Variants in PDE4A observed in about 807,000 individuals in gnomAD.
PDE4A encodes the protein 3',5'-cyclic-AMP phosphodiesterase 4A.
Under a neutral mutation model 73.9 loss-of-function variants are expected in PDE4A, and 21 were observed. The ratio of observed to expected loss-of-function variants is 0.28; its 90% CI spans 0.20 to 0.41. The LOEUF is 0.41. PDE4A is among the 10% of genes least tolerant of loss of function. The pLI is 1.00. For missense variants in PDE4A, 958 were observed against 1,211.4 expected (o/e 0.79, Z 3.10); for synonymous variants, 463 against 505.4 (o/e 0.92, Z 1.13).
chr19:10,461,740 G>A, intron 12 of PDE4A, 60 bp downstream of exon 12: 2 of 1,600,068 alleles, frequency 1.2e-6, no homozygotes, highest in East Asian at 4.5e-5. Context: ...AGGGCTTTGG[G>A]GAGGAGTGGG....
At chr19:10,446,156 C>T in intron 1 of PDE4A, 62 bp from the exon 2 acceptor site, 3 of 1,518,008 alleles carry the variant, frequency 2.0e-6, no homozygotes, top group Non-Finnish European at 2.7e-6. Flanking sequence ...CCTCCTCATT[C>T]CTCTTGACCT....
upstream of PDE4A, chr19:10,417,781 C>G: frequency 6.4e-7 from 1 of 1,562,868 alleles, no homozygotes. Context: ...CCCTCGGACC[C>G]TGGGGTCCCT....
In PDE4A at chr19:10,458,151, G is replaced by T. The variant is rs1300783673; in HGVS notation, c.1101+49G>T. The T allele has an allele frequency of 6.4e-7, 1 of 1,568,782 alleles. No homozygotes were observed. ...AGGGCTGGAGGGGGTGGTCTCCTGG[G>T]ACCCTGAGAAGGACTGGGCATTGGG... On this transcript the variant is annotated intron_variant, in intron 8 of 14. Transcript: ENST00000380702. The surrounding 1 kb of genome is among the most constrained non-coding windows in gnomAD (Gnocchi z 4.6).
chr19:10,467,707 C>T lies in PDE4A; in HGVS notation c.*86C>T, dbSNP rs1006642734. On this transcript the variant is annotated 3_prime_UTR_variant, in exon 15 of 15. Coordinates refer to ENST00000380702, the MANE Select transcript of PDE4A (RefSeq NM_001111307.2). ...CACCTCCTCCTCTGCCTCAAAGACT[C>T]TTGTCCTCTTGTCCCTCCTGAGAAA... is the stretch of plus-strand genomic sequence containing the variant. The T allele has an allele frequency of 2.0e-5, 19 of 952,956 alleles. No homozygotes were observed. Among genetic ancestry groups the T allele is most frequent in the Non-Finnish European group, 2.9e-5 (19 of 649,706 alleles). 59.0% of individuals were successfully genotyped at this position (952,956 alleles called of 1,614,324 possible).
Position 10,468,798 on chromosome 19 carries a change from T to G in PDE4A, c.*1177T>G, listed in dbSNP as rs7256672. The G allele has an allele frequency of 0.43, 65,332 of 152,790 alleles. 14,765 individuals carry two copies. The highest frequency in any genetic ancestry group is 0.58 in the African/African-American group (23,926 of 41,330). 9.5% of individuals were successfully genotyped at this position (152,790 alleles called of 1,614,324 possible). On this transcript the variant is annotated 3_prime_UTR_variant, in exon 15 of 15. Coordinates refer to ENST00000380702, the MANE Select transcript of PDE4A (RefSeq NM_001111307.2). ...ATTTCTCCTCCATCCGTACCTTGCC[T>G]AGCCTCTCCCTCTCCCCCAGCTAGT...
chr19:10,436,777 C>G (rs923692679), intron 1 of PDE4A, among the ~76,000 whole-genome samples: 13 of 152,024 alleles, frequency 8.6e-5, no homozygotes, highest in African/African-American at 2.7e-4. Flanking sequence ...CAGTGGCTCA[C>G]GCCTGTAATC....
Position 10,453,154 on chromosome 19 carries a change from C to A in PDE4A, c.784-1675C>A. The A allele has an allele frequency of 1.4e-6, 2 of 1,445,630 alleles. No individual in the cohort carries two copies. Among genetic ancestry groups the A allele is most frequent in the Non-Finnish European group, 1.8e-6 (2 of 1,097,474 alleles). The allele number at this position is 1,445,630 out of a possible 1,614,324, so 89.6% of individuals were successfully genotyped here. ...CCGGCCCAGGCCCCTCCGCGGCTCC[C>A]CCTTCCACTACCCACCTGCCCGGCA... On this transcript the variant is annotated intron_variant, in intron 6 of 14. Transcript: ENST00000380702. The surrounding 1 kb of genome is among the most constrained non-coding windows in gnomAD (Gnocchi z 4.6).
chr19:10,451,755 T>A (rs1032097543), intron 6 of PDE4A, among the ~76,000 whole-genome samples: 6 of 152,076 alleles, frequency 3.9e-5, no homozygotes, highest in Non-Finnish European at 7.4e-5. Flanking sequence ...ACTGCACAAC[T>A]CCAGGGGACA....
At chr19:10,443,812 G>T (rs898562256) in intron 1 of PDE4A, among the ~76,000 whole-genome samples, 3 of 151,764 alleles carry the variant, frequency 2.0e-5, no homozygotes, top group African/African-American at 7.3e-5. Flanking sequence ...TTCGAAACCA[G>T]CCTGGCCAAC....
At position 10,432,185 on chromosome 19, in the gene PDE4A, G is replaced by C. The variant is rs915028827; in HGVS notation, c.320+11101G>C. On this transcript the variant is annotated intron_variant, in intron 1 of 14. Coordinates refer to ENST00000380702, the MANE Select transcript of PDE4A (RefSeq NM_001111307.2). ...CCTAGGAGGGAGGAGACGGGGGGGG[G>C]GGGGGGAAGTGTGCGTCCGACTCCG... 4.8e-3 allele frequency among the ~76,000 whole-genome samples: 686 copies of C among 142,538 alleles called. 88 individuals carry two copies. Among genetic ancestry groups the C allele is most frequent in the East Asian group, 0.031 (136 of 4,402 alleles). 93.5% of individuals were successfully genotyped at this position (142,538 alleles called of 152,430 possible). A position where few individuals can be genotyped will look rare whatever the true frequency, so the allele number is the denominator to read the frequency against.
In PDE4A at chr19:10,447,892, T is replaced by A. The variant is rs1053661815; in HGVS notation, c.513-1025T>A. Among the ~76,000 whole-genome samples, 24 of 152,110 alleles carry A rather than the reference T, an allele frequency of 1.6e-4. 1 individual carries two copies. ...TCCAGGCCTTTCCACCAGCCATTGCTGTACACACCTCAACCCACTTGGTCC... is the reference window on the plus strand; with the variant it reads ...TCCAGGCCTTTCCACCAGCCATTGCAGTACACACCTCAACCCACTTGGTCC... On this transcript the variant is annotated intron_variant, in intron 2 of 14. Coordinates refer to ENST00000380702, the MANE Select transcript of PDE4A (RefSeq NM_001111307.2).
intron 1 of PDE4A, among the ~76,000 whole-genome samples, chr19:10,438,922 G>A (rs191854110): frequency 2.2e-4 from 33 of 152,304 alleles, no homozygotes; most frequent in Admixed American, 1.5e-3. Context: ...TGTAGCCTGT[G>A]TCAGAATTCC....
At chr19:10,433,888 C>CG (rs955137406) in intron 1 of PDE4A, among the ~76,000 whole-genome samples, 1 of 151,812 alleles carries the variant, frequency 6.6e-6, no homozygotes, top group East Asian at 1.9e-4. Context: ...CTGTGCGCCC[C>CG]GGGGGAAGAC....
At chr19:10,420,275 CCTT>C, upstream of PDE4A, 2 of 428,842 alleles carry the variant, frequency 4.7e-6, no homozygotes, top group Non-Finnish European at 6.2e-6. The surrounding 1 kb of genome is among the most constrained non-coding windows in gnomAD (Gnocchi z 6.0). Context: ...CCGTTTAACT[CCTT>C]CGTGCCTGTG....
At chr19:10,428,301 T>G (rs2042742970) in intron 1 of PDE4A, among the ~76,000 whole-genome samples, 1 of 151,590 alleles carries the variant, frequency 6.6e-6, no homozygotes, top group Non-Finnish European at 1.5e-5. Flanking sequence ...GAGACTGCAG[T>G]GAGCTATGAT....
chr19:10,437,039 AAAAT>A (rs138679319), intron 1 of PDE4A, among the ~76,000 whole-genome samples: 1 of 152,100 alleles, frequency 6.6e-6, no homozygotes, highest in Non-Finnish European at 1.5e-5. Context: ...CTCCATCTCA[AAAAT>A]AAATAAATAA....
rs900209516 is a variant in PDE4A at position 10,426,493 on chromosome 19, A to G, written c.320+5409A>G. 8.5e-5 allele frequency among the ~76,000 whole-genome samples: 13 copies of G among 152,180 alleles called. 1 individual carries two copies. Among genetic ancestry groups the G allele is most frequent in the Admixed American group, 6.5e-4 (10 of 15,276 alleles). ...AATTCTTCGCCTTTCAGTGTGGCCC[A>G]GGGATGCCAAAAGATTGCACACCCT... On this transcript the variant is annotated intron_variant, in intron 1 of 14. Transcript: ENST00000380702.
Position 10,466,992 on chromosome 19 carries a change from T to G in PDE4A, c.2032T>G (p.Trp678Gly). ...ILDTLEDNRD[W>G]YYSAIRQSPS... ...GGACACTTTGGAGGACAACCGGGAC[T>G]GGTACTACAGCGCCATCCGGCAGAG... Residue 678 changes from tryptophan to glycine, a missense_variant, in exon 15 of 15, where the codon TGG (tryptophan) becomes GGG (glycine). Trp to Gly is a radical substitution (Grantham distance 184). Around this residue, in one of 3 missense-constraint regions of PDE4A, gnomAD observed 570 missense variants for 827.7 expected, o/e 0.69. Coordinates refer to ENST00000380702, the MANE Select transcript of PDE4A (RefSeq NM_001111307.2). The G allele has an allele frequency of 6.2e-7, 1 of 1,614,100 alleles. No homozygotes were observed. Among genetic ancestry groups the G allele is most frequent in the Non-Finnish European group, 8.5e-7 (1 of 1,180,018 alleles).
chr19:10,416,986 A>C, upstream of PDE4A: 1 of 1,540,302 alleles, frequency 6.5e-7, no homozygotes, highest in Non-Finnish European at 8.7e-7. Flanking sequence ...GGGACCGGGG[A>C]CGAGGTGCGA....
Sources: gnomAD v4.1 joint callset for allele counts (sites outside exome capture counted in the v4.1 genomes callset) on GRCh38, gnomAD v4.1.1 for gene constraint, gnomAD v4.1.1 regional missense constraint, Gnocchi (gnomAD v3.1) non-coding constraint, MANE v1.5 for transcripts, NCBI Gene and HGNC (gene_info 2026-07-23, HGNC 2026-07-21) for gene names.